Variants in ITSN1 observed in about 807,000 individuals in gnomAD.
The protein encoded by ITSN1 is intersectin-1.
Under a neutral mutation model 239.8 loss-of-function variants are expected in ITSN1, and 58 were observed. That is an observed-to-expected ratio of 0.24 (90% CI 0.20 to 0.30). The LOEUF is 0.30. Ranked by LOEUF, ITSN1 falls within the 10% of genes least tolerant of loss-of-function variation. The pLI, the probability that ITSN1 is intolerant of heterozygous loss-of-function variation, is 1.00. For missense variants in ITSN1, 1,558 were observed against 2,103.3 expected (o/e 0.74, Z 5.07); for synonymous variants, 780 against 770.8 (o/e 1.01, Z -0.20).
intron 29 of ITSN1, among the ~76,000 whole-genome samples, chr21:33,846,871 C>T (rs570668811): frequency 6.6e-6 from 1 of 152,122 alleles, no homozygotes; most frequent in Non-Finnish European, 1.5e-5. Flanking sequence ...ATGAAAAGAC[C>T]CCAAAACAGG....
In ITSN1 at chr21:33,896,993, C is replaced by T. The variant is rs1390007295; in HGVS notation, c.*8693C>T. The T allele has an allele frequency of 1.3e-5, 2 of 152,170 alleles. No individual in the cohort carries two copies. Among genetic ancestry groups the T allele is most frequent in the East Asian group, 1.9e-4 (1 of 5,208 alleles). 9.4% of individuals were successfully genotyped at this position (152,170 alleles called of 1,614,324 possible). Reference sequence around the variant, plus strand: ...ATGCGTCATGCAATCTTCCGGACTACGGGAAGTTCTGCAAGTGTTCTCCAG... The same window carrying T: ...ATGCGTCATGCAATCTTCCGGACTATGGGAAGTTCTGCAAGTGTTCTCCAG... On this transcript the variant is annotated 3_prime_UTR_variant, in exon 40 of 40. Transcript: ENST00000381318.
chr21:33,642,870 G>A (rs970591489), intron 1 of ITSN1, among the ~76,000 whole-genome samples, 157 bp downstream of exon 1: 2 of 151,540 alleles, frequency 1.3e-5, no homozygotes, highest in Non-Finnish European at 3.0e-5. Context: ...GCGCGCCCGA[G>A]AGACGGCAGC....
chr21:33,868,307 C>T (rs916055595), intron 33 of ITSN1, among the ~76,000 whole-genome samples: 6 of 152,148 alleles, frequency 3.9e-5, no homozygotes, highest in African/African-American at 1.4e-4. Flanking sequence ...CAGTCTCGCG[C>T]CATGCACTCG....
intron 29 of ITSN1, among the ~76,000 whole-genome samples, chr21:33,855,498 TC>T (rs1192620676): frequency 6.6e-6 from 1 of 152,244 alleles, no homozygotes. Context: ...GTCTTCCAAG[TC>T]TGGCTTCTGT....
At chr21:33,881,057 G>C (rs138443893) in intron 34 of ITSN1, among the ~76,000 whole-genome samples, 1 of 152,196 alleles carries the variant, frequency 6.6e-6, no homozygotes, top group South Asian at 2.1e-4. Context: ...AGTCGGGTGA[G>C]GTTTCATGTG....
chr21:33,687,185 A>T (rs2091283785), intron 1 of ITSN1, among the ~76,000 whole-genome samples: 1 of 151,762 alleles, frequency 6.6e-6, no homozygotes, highest in Non-Finnish European at 1.5e-5. Context: ...TACAAAAATT[A>T]GTCAGGCCTC....
chr21:33,671,194 C>G (rs1040545532), intron 1 of ITSN1, among the ~76,000 whole-genome samples: 7 of 152,130 alleles, frequency 4.6e-5, no homozygotes, highest in African/African-American at 1.7e-4. Context: ...ACCAAAAATA[C>G]CCCACGGATT....
chr21:33,768,930 T>C (rs2068916955), intron 11 of ITSN1, among the ~76,000 whole-genome samples: 1 of 152,236 alleles, frequency 6.6e-6, no homozygotes, highest in Non-Finnish European at 1.5e-5. Context: ...ACCTTTAAAA[T>C]ATATTAGAGG....
intron 9 of ITSN1, among the ~76,000 whole-genome samples, chr21:33,763,180 T>C (rs1012178966): frequency 3.6e-4 from 53 of 148,468 alleles, no homozygotes; most frequent in African/African-American, 1.2e-3. Context: ...AATTTCCCCT[T>C]GTCTTGTTCT....
rs145652047 is a variant in ITSN1, at chr21:33,655,519, C to G, written c.-33+12806C>G. ...CACTGCAATCTCTACCTCCTGGGTT[C>G]AAACAATCCCCCCACCTCAGCCCCC... On this transcript the variant is annotated intron_variant, in intron 1 of 39. Transcript: ENST00000381318. 3.4e-3 allele frequency among the ~76,000 whole-genome samples: 513 copies of G among 150,978 alleles called. 4 individuals are homozygous for G. The highest frequency in any genetic ancestry group is 0.012 in the African/African-American group (483 of 41,136).
At chr21:33,750,849 T>A (rs1602005386) in intron 6 of ITSN1, among the ~76,000 whole-genome samples, 1 of 152,226 alleles carries the variant, frequency 6.6e-6, no homozygotes, top group Non-Finnish European at 1.5e-5. Context: ...TTTGAGACTT[T>A]ATTAAGTCTT....
Position 33,813,532 on chromosome 21 carries a change from T to C in ITSN1, c.2568-381T>C, listed in dbSNP as rs189234529. ...CACACCCAGCTAATTTTTGTATTTT[T>C]AGTAGAGATGGGGTTTCACCATGTT... On this transcript the variant is annotated intron_variant, in intron 21 of 39. Transcript: ENST00000381318. 9.6e-4 allele frequency among the ~76,000 whole-genome samples: 146 copies of C among 152,170 alleles called. 1 individual carries two copies. The highest frequency in any genetic ancestry group is 1.6e-3 in the Non-Finnish European group (109 of 67,998).
intron 16 of ITSN1, among the ~76,000 whole-genome samples, chr21:33,783,404 C>T (rs2070368743): frequency 6.6e-6 from 1 of 152,168 alleles, no homozygotes; most frequent in Admixed American, 6.5e-5. Flanking sequence ...GATCTTTTCT[C>T]AATTGTACGA....
chr21:33,807,069 G>T (rs548682076), intron 20 of ITSN1, among the ~76,000 whole-genome samples: 1 of 152,168 alleles, frequency 6.6e-6, no homozygotes, highest in Non-Finnish European at 1.5e-5. Flanking sequence ...TATTAAAATT[G>T]ATGTATACTT....
At chr21:33,769,477 G>A (rs1285968041) in intron 11 of ITSN1, among the ~76,000 whole-genome samples, 1 of 152,144 alleles carries the variant, frequency 6.6e-6, no homozygotes, top group African/African-American at 2.4e-5. Context: ...TAACAAAATA[G>A]CATAGACCGG....
chr21:33,660,806 T>C (rs2089491568), intron 1 of ITSN1, among the ~76,000 whole-genome samples: 1 of 152,208 alleles, frequency 6.6e-6, no homozygotes. Flanking sequence ...CTTTTTATCC[T>C]CTGTTACAAT....
intron 4 of ITSN1, among the ~76,000 whole-genome samples, chr21:33,726,085 C>T (rs2065814900): frequency 6.6e-6 from 1 of 152,140 alleles, no homozygotes; most frequent in Non-Finnish European, 1.5e-5. Context: ...CCTCTGCCTC[C>T]CAGGTTCAAG....
At chr21:33,654,646 G>A (rs2088879894) in intron 1 of ITSN1, among the ~76,000 whole-genome samples, 1 of 152,214 alleles carries the variant, frequency 6.6e-6, no homozygotes, top group East Asian at 1.9e-4. Flanking sequence ...ATCAGTGTTC[G>A]TTTCTTCCCT....
chr21:33,839,707 G>A (rs138390591), intron 29 of ITSN1, among the ~76,000 whole-genome samples: 7 of 152,162 alleles, frequency 4.6e-5, no homozygotes, highest in Non-Finnish European at 1.0e-4. Context: ...GATGCCCCAC[G>A]CCCTCACTGT....
Sources: allele counts gnomAD v4.1 joint callset (sites outside exome capture counted in the v4.1 genomes callset), GRCh38; gene constraint gnomAD v4.1.1; transcripts MANE v1.5; gene names NCBI Gene and HGNC (gene_info 2026-07-23, HGNC 2026-07-21).